LRRC8C: variants seen among roughly 807,000 people sequenced by gnomAD.
LRRC8C encodes leucine rich repeat containing 8 VRAC subunit C.
LRRC8C carries 20 observed loss-of-function variants against 55.3 expected under a neutral mutation model. The observed-to-expected ratio is 0.36, with a 90% CI of 0.25 to 0.53. The LOEUF is 0.53. Among genes scored for constraint, LRRC8C ranks in the 20% least tolerant of loss-of-function variants. The pLI, the probability that LRRC8C is intolerant of heterozygous loss-of-function variation, is 0.92. For synonymous variants in LRRC8C, 376 were observed against 360.7 expected (o/e 1.04, Z -0.48); for missense variants, 659 against 951.4 (o/e 0.69, Z 4.04).
At position 89,712,932 on chromosome 1, in the gene LRRC8C, A is replaced by G. The variant is rs1429263658; in HGVS notation, c.362A>G (p.His121Arg). ...INQMCYERAL[H>R]WYAKYFPYLV... ...CAGATGTGTTATGAGCGAGCCCTCC[A>G]CTGGTATGCCAAGTATTTCCCTTAC... Residue 121 changes from histidine to arginine, a missense_variant, in exon 3 of 3, where the codon CAC becomes CGC. By Grantham distance (29) the His-to-Arg change is conservative. Transcript: ENST00000370454. The G allele has an allele frequency of 6.2e-7, 1 of 1,613,614 alleles. No homozygotes were observed. Among genetic ancestry groups the G allele is most frequent in the African/African-American group, 1.3e-5 (1 of 74,508 alleles).
intron 1 of LRRC8C, among the ~76,000 whole-genome samples, chr1:89,649,695 T>A (rs1411528572): frequency 6.6e-6 from 1 of 152,186 alleles, no homozygotes; most frequent in Admixed American, 6.5e-5. Flanking sequence ...TGAAACATTC[T>A]TTCAGGCACT....
chr1:89,695,532 A>G (rs937145196), intron 2 of LRRC8C, among the ~76,000 whole-genome samples: 3 of 152,252 alleles, frequency 2.0e-5, no homozygotes, highest in Non-Finnish European at 4.4e-5. Flanking sequence ...AAGCTGAGAC[A>G]GTGTTGTAGT....
chr1:89,686,372 C>A, intron 1 of LRRC8C, 98 bp from the exon 2 acceptor site: 1 of 1,259,574 alleles, frequency 7.9e-7, no homozygotes, highest in Non-Finnish European at 1.1e-6. Context: ...TGAACTAATT[C>A]AGACCTCTGC....
intron 2 of LRRC8C, 138 bp downstream of exon 2, chr1:89,686,749 G>C: frequency 1.0e-6 from 1 of 982,824 alleles, no homozygotes; most frequent in Non-Finnish European, 1.5e-6. Flanking sequence ...TGTAATCATA[G>C]CAGAGAACCT....
the LRRC8C span, among the ~76,000 whole-genome samples, chr1:89,623,247 T>A: frequency 6.6e-6 from 1 of 152,292 alleles, no homozygotes; most frequent in East Asian, 1.9e-4. Context: ...AATTGATTTT[T>A]AAATAATTTT....
At chr1:89,627,152 C>A in the LRRC8C span, among the ~76,000 whole-genome samples, 2 of 151,944 alleles carry the variant, frequency 1.3e-5, no homozygotes, top group Admixed American at 1.3e-4. Flanking sequence ...TTATCTGGAG[C>A]TATTTCAGGA....
chr1:89,633,606 G>A (rs1174086214), intron 1 of LRRC8C, among the ~76,000 whole-genome samples: 1 of 152,140 alleles, frequency 6.6e-6, no homozygotes, highest in African/African-American at 2.4e-5. Flanking sequence ...GCGCCGCAGC[G>A]GCAGGTCCTG....
chr1:89,684,379 G>A (rs908898855), intron 1 of LRRC8C, among the ~76,000 whole-genome samples: 2 of 152,162 alleles, frequency 1.3e-5, no homozygotes, highest in East Asian at 1.9e-4. Flanking sequence ...TATCCCTGCC[G>A]CTGCAGCTGA....
chr1:89,635,254 CTA>C (rs1210104349), intron 1 of LRRC8C, among the ~76,000 whole-genome samples: 1 of 152,036 alleles, frequency 6.6e-6, no homozygotes, highest in Non-Finnish European at 1.5e-5. Flanking sequence ...TTTTAATACT[CTA>C]TAGTATTATT....
At chr1:89,685,318 C>CCTT (rs10682040) in intron 1 of LRRC8C, among the ~76,000 whole-genome samples, 136,514 of 138,330 alleles carry the variant, frequency 0.99, 67,382 homozygotes, top group Middle Eastern at 1. Flanking sequence ...CGGGGTTTCA[C>CCTT]GTTAGCCAGG....
chr1:89,711,603 C>T (rs115240429), intron 2 of LRRC8C, among the ~76,000 whole-genome samples: 1,668 of 152,264 alleles, frequency 0.011, 33 homozygotes, highest in African/African-American at 0.037. Flanking sequence ...GAAGATGATT[C>T]GTCTAGGTTT....
At chr1:89,674,170 T>C (rs1228233314) in intron 1 of LRRC8C, among the ~76,000 whole-genome samples, 1 of 152,242 alleles carries the variant, frequency 6.6e-6, no homozygotes, top group Non-Finnish European at 1.5e-5. Flanking sequence ...AACATATCTA[T>C]CTTCAGAAAC....
At chr1:89,655,332 T>C (rs1017117502) in intron 1 of LRRC8C, among the ~76,000 whole-genome samples, 1 of 152,124 alleles carries the variant, frequency 6.6e-6, no homozygotes, top group African/African-American at 2.4e-5. Flanking sequence ...AGTTGGGAAG[T>C]TTTTAAGTGT....
intron 1 of LRRC8C, among the ~76,000 whole-genome samples, chr1:89,656,790 T>G (rs1270529076): frequency 6.6e-6 from 1 of 152,210 alleles, no homozygotes; most frequent in Non-Finnish European, 1.5e-5. Flanking sequence ...TTTTTTAGAA[T>G]CCAGAAGATT....
intron 1 of LRRC8C, among the ~76,000 whole-genome samples, chr1:89,666,042 T>A (rs1259545063): frequency 6.6e-6 from 1 of 152,206 alleles, no homozygotes; most frequent in Non-Finnish European, 1.5e-5. Flanking sequence ...CGTAGTAGGC[T>A]ATACCGTCTA....
At chr1:89,633,782 G>A (rs1251539846) in intron 1 of LRRC8C, among the ~76,000 whole-genome samples, 1 of 152,188 alleles carries the variant, frequency 6.6e-6, no homozygotes, top group Non-Finnish European at 1.5e-5. Context: ...AGCACTTTTG[G>A]GCAGGGAAAG....
At chr1:89,681,186 G>T (rs996136746) in intron 1 of LRRC8C, among the ~76,000 whole-genome samples, 1 of 151,410 alleles carries the variant, frequency 6.6e-6, no homozygotes, top group Non-Finnish European at 1.5e-5. Flanking sequence ...TGAAATTGTC[G>T]CAAATCACTT....
At chr1:89,670,567 T>C (rs937399660) in intron 1 of LRRC8C, among the ~76,000 whole-genome samples, 5 of 152,198 alleles carry the variant, frequency 3.3e-5, no homozygotes, top group Non-Finnish European at 5.9e-5. Context: ...CCACTGAAGA[T>C]TGGAAAAGAG....
intron 1 of LRRC8C, among the ~76,000 whole-genome samples, chr1:89,670,779 A>G (rs1657392359): frequency 6.6e-6 from 1 of 152,190 alleles, no homozygotes; most frequent in Non-Finnish European, 1.5e-5. Flanking sequence ...AGATTGTGAA[A>G]GTAAAGGTAC....
Sources: allele counts gnomAD v4.1 joint callset (sites outside exome capture counted in the v4.1 genomes callset), GRCh38; gene constraint gnomAD v4.1.1; transcripts MANE v1.5; gene names NCBI Gene and HGNC (gene_info 2026-07-23, HGNC 2026-07-21).